The following DAB1 variants were observed in gnomAD, a reference collection of about 807,000 sequenced individuals.
DAB1 encodes the protein DAB adaptor protein 1.
DAB1 carries 15 observed loss-of-function variants against 64.6 expected under a neutral mutation model. That is an observed-to-expected ratio of 0.23 (90% CI 0.16 to 0.36). The LOEUF is 0.36. DAB1 is among the 10% of genes least tolerant of loss of function. The probability of loss-of-function intolerance (pLI) is 1.00; values close to 1 mark genes in which losing one functional copy is unlikely to be tolerated. For synonymous variants in DAB1, 235 were observed against 251.9 expected, an observed-to-expected ratio of 0.93 and a Z score of 0.64; for missense variants, 596 against 706.7, an observed-to-expected ratio of 0.84 and a Z score of 1.78.
At chr1:57,123,490 T>G (rs1381678198) in intron 4 of DAB1, among the ~76,000 whole-genome samples, 2 of 152,070 alleles carry the variant, frequency 1.3e-5, no homozygotes, top group Non-Finnish European at 2.9e-5. Context: ...AAATATGTGG[T>G]AAAACAGACG....
At chr1:58,107,377 A>C (rs1176015143) in intron 5 of DAB1, among the ~76,000 whole-genome samples, 3 of 151,004 alleles carry the variant, frequency 2.0e-5, no homozygotes, top group Non-Finnish European at 2.9e-5. Context: ...AGGCTGAAGC[A>C]GGAGAATCGC....
intron 1 of DAB1, among the ~76,000 whole-genome samples, chr1:57,416,385 A>G (rs1684495637): frequency 6.6e-6 from 1 of 152,190 alleles, no homozygotes; most frequent in Non-Finnish European, 1.5e-5. Flanking sequence ...CTTTCAATGC[A>G]TTTCATGTCA....
intron 5 of DAB1, among the ~76,000 whole-genome samples, chr1:58,001,256 C>A (rs1206338350): frequency 1.3e-5 from 2 of 151,976 alleles, no homozygotes; most frequent in South Asian, 2.1e-4. Flanking sequence ...AGTCAAAGGG[C>A]TCTTTTTTGT....
intron 7 of DAB1, among the ~76,000 whole-genome samples, chr1:57,451,930 T>C (rs1889355): frequency 0.52 from 79,066 of 151,778 alleles, 20,952 homozygotes; most frequent in Admixed American, 0.61. Context: ...TAAGGTTCCT[T>C]TATAACCTTA....
intron 5 of DAB1, among the ~76,000 whole-genome samples, chr1:57,977,424 T>A (rs1190943450): frequency 6.6e-6 from 1 of 152,146 alleles, no homozygotes; most frequent in Non-Finnish European, 1.5e-5. Context: ...TTCCTTCAAT[T>A]TGGGGCCAGG....
intron 5 of DAB1, among the ~76,000 whole-genome samples, chr1:58,003,074 T>A (rs2100409374): frequency 6.6e-6 from 1 of 152,290 alleles, no homozygotes; most frequent in South Asian, 2.1e-4. Context: ...TATTTGTGTG[T>A]TCATGGAAAA....
chr1:57,052,593 A>G (rs1347951634), intron 9 of DAB1, among the ~76,000 whole-genome samples: 3 of 152,218 alleles, frequency 2.0e-5, no homozygotes, highest in Non-Finnish European at 4.4e-5. Flanking sequence ...CAAGTTATTA[A>G]CGGTGAAGAC....
intron 3 of DAB1, among the ~76,000 whole-genome samples, chr1:58,381,457 C>T (rs1350709483): frequency 2.6e-5 from 4 of 152,104 alleles, no homozygotes; most frequent in African/African-American, 9.7e-5. Context: ...ACGTTAAAGG[C>T]CTGTTTGGCT....
intron 5 of DAB1, among the ~76,000 whole-genome samples, chr1:57,992,833 C>T (rs977020359): frequency 2.6e-5 from 4 of 151,968 alleles, no homozygotes; most frequent in African/African-American, 7.3e-5. Context: ...ATGTCACTAC[C>T]ATGAACCTCT....
At position 57,553,442 on chromosome 1, in the gene DAB1, G is replaced by GAAAGAAAGAACGAAAGAAAGAA. The variant is rs59263518; in HGVS notation, n.625+96149_625+96150insTTCTTTCTTTCGTTCTTTCTTT. 2.9e-5 allele frequency among the ~76,000 whole-genome samples: 2 copies of GAAAGAAAGAACGAAAGAAAGAA among 68,154 alleles called. 1 individual carries two copies. The highest frequency in any genetic ancestry group is 5.6e-5 in the Non-Finnish European group (2 of 35,794). The allele number at this position is 68,154 out of a possible 152,430, so 44.7% of individuals were successfully genotyped here. A position where few individuals can be genotyped will look rare whatever the true frequency, so the allele number is the denominator to read the frequency against. ...AGAAAGAAAGAAAGAAAGAAAGAAA[G>GAAAGAAAGAACGAAAGAAAGAA]AGAAAGAAAGAAAGAAAGAGAAAGG... On this transcript the variant is annotated intron_variant and non_coding_transcript_variant, in intron 7 of 20. Transcript: ENST00000485760.
chr1:57,002,928 C>T (rs761527303), intron 14 of DAB1, among the ~76,000 whole-genome samples: 2 of 152,214 alleles, frequency 1.3e-5, no homozygotes, highest in African/African-American at 2.4e-5. Context: ...AGCACAGAGT[C>T]TGAAACATAG....
chr1:57,436,748 G>A (rs1685709620), intron 7 of DAB1, among the ~76,000 whole-genome samples: 1 of 152,194 alleles, frequency 6.6e-6, no homozygotes, highest in Non-Finnish European at 1.5e-5. Context: ...CCTGGCATAG[G>A]CTGGGTGCGG....
intron 3 of DAB1, among the ~76,000 whole-genome samples, chr1:58,428,270 TA>T (rs1264247856): frequency 6.6e-6 from 1 of 152,186 alleles, no homozygotes; most frequent in Non-Finnish European, 1.5e-5. Flanking sequence ...AGCTATAAAG[TA>T]CTTTTGCCAA....
chr1:57,005,146 G>A (rs1405502634), intron 14 of DAB1, among the ~76,000 whole-genome samples: 1 of 152,082 alleles, frequency 6.6e-6, no homozygotes, highest in African/African-American at 2.4e-5. Context: ...GCTGAAATCC[G>A]CTTGGTGCAT....
intron 5 of DAB1, among the ~76,000 whole-genome samples, chr1:57,997,157 C>T (rs2100392769): frequency 6.6e-6 from 1 of 152,218 alleles, no homozygotes; most frequent in East Asian, 1.9e-4. Context: ...AAGTGGGCAC[C>T]AGCATGTTCA....
intron 1 of DAB1, among the ~76,000 whole-genome samples, chr1:57,854,161 T>G (rs1034057185): frequency 6.6e-6 from 1 of 152,208 alleles, no homozygotes; most frequent in African/African-American, 2.4e-5. Flanking sequence ...ACAAATTGAG[T>G]AAATAATTAT....
At chr1:57,667,908 G>A (rs1646467612) in intron 6 of DAB1, among the ~76,000 whole-genome samples, 1 of 151,966 alleles carries the variant, frequency 6.6e-6, no homozygotes, top group Non-Finnish European at 1.5e-5. Flanking sequence ...GAGAGCATTA[G>A]GACAAATACC....
chr1:57,938,883 CA>C (rs1418701339), intron 5 of DAB1, among the ~76,000 whole-genome samples: 1 of 151,930 alleles, frequency 6.6e-6, no homozygotes, highest in Non-Finnish European at 1.5e-5. Context: ...CCTCTTGTAC[CA>C]ACTGCTTCTC....
chr1:57,998,351 A>T (rs1646457914), intron 5 of DAB1, among the ~76,000 whole-genome samples: 1 of 151,854 alleles, frequency 6.6e-6, no homozygotes, highest in Admixed American at 6.6e-5. Context: ...GTCACTGGGT[A>T]ATCACTTAAC....
Sources: allele counts gnomAD v4.1 joint callset (sites outside exome capture counted in the v4.1 genomes callset), GRCh38; gene constraint gnomAD v4.1.1; transcripts MANE v1.5; gene names NCBI Gene and HGNC (gene_info 2026-07-23, HGNC 2026-07-21).